The following DNAAF4 variants were observed in gnomAD, a reference collection of about 807,000 sequenced individuals.
The protein encoded by DNAAF4 is dynein assembly factor 4, axonemal.
Under a neutral mutation model 51.8 loss-of-function variants are expected in DNAAF4, and 43 were observed. The ratio of observed to expected loss-of-function variants is 0.83; its 90% CI spans 0.65 to 1.07. DNAAF4 has a LOEUF of 1.07. Ranked by LOEUF, DNAAF4 falls within the 50% of genes least tolerant of loss-of-function variation. The probability of loss-of-function intolerance (pLI) is 0.00; values close to 1 mark genes in which losing one functional copy is unlikely to be tolerated. For missense variants in DNAAF4, 581 were observed against 493.0 expected, an observed-to-expected ratio of 1.18 and a Z score of -1.69; for synonymous variants, 194 against 165.6, an observed-to-expected ratio of 1.17 and a Z score of -1.32.
intron 3 of DNAAF4, among the ~76,000 whole-genome samples, chr15:55,496,130 T>C (rs1471632146): frequency 6.6e-6 from 1 of 152,118 alleles, no homozygotes; most frequent in Non-Finnish European, 1.5e-5. Flanking sequence ...CTTGGGAGGC[T>C]GAGGCTGAAG....
intron 7 of DNAAF4, among the ~76,000 whole-genome samples, chr15:55,437,939 G>A (rs780367774): frequency 2.0e-5 from 3 of 152,148 alleles, no homozygotes; most frequent in Non-Finnish European, 2.9e-5. Context: ...GTTTGTTATA[G>A]AAGTAATAAG....
chr15:55,450,168 T>C (rs1567011669), intron 6 of DNAAF4, 54 bp downstream of exon 6: 8 of 1,512,978 alleles, frequency 5.3e-6, no homozygotes, highest in Non-Finnish European at 6.2e-6. Flanking sequence ...ATAGATGAAA[T>C]AAAAATAAAG....
In DNAAF4 at chr15:55,470,847, A is replaced by ATTTTT. The variant is rs1169756178; in HGVS notation, c.406-3691_406-3687dup. On this transcript the variant is annotated intron_variant, in intron 4 of 9. Coordinates refer to ENST00000321149, the MANE Select transcript of DNAAF4 (RefSeq NM_130810.4). Reference sequence around the variant, plus strand: ...AGACATGAGCTACTATGCCTGGCGGATTTTTTTTTTTTTTTTTTTTTTGAG... The same window carrying ATTTTT: ...AGACATGAGCTACTATGCCTGGCGGATTTTTTTTTTTTTTTTTTTTTTTTTTTGAG... Among the ~76,000 whole-genome samples, 7 of 99,036 alleles carry ATTTTT rather than the reference A, an allele frequency of 7.1e-5. 1 individual carries two copies. The highest frequency in any genetic ancestry group is 1.3e-4 in the Admixed American group (1 of 7,492). 65.0% of individuals were successfully genotyped at this position (99,036 alleles called of 152,430 possible).
At chr15:55,496,244 A>G (rs2058639910) in intron 3 of DNAAF4, among the ~76,000 whole-genome samples, 1 of 152,082 alleles carries the variant, frequency 6.6e-6, no homozygotes, top group East Asian at 1.9e-4. Context: ...AAACAAACAA[A>G]CAACAACTGG....
chr15:55,498,944 GA>G (rs112482096), intron 1 of DNAAF4, among the ~76,000 whole-genome samples: 6 of 135,476 alleles, frequency 4.4e-5, no homozygotes, highest in African/African-American at 1.3e-4. Flanking sequence ...AAGAAAGAAA[GA>G]AAAAAAAAAG....
At chr15:55,459,172 G>A (rs569858885) in intron 5 of DNAAF4, among the ~76,000 whole-genome samples, 8 of 151,896 alleles carry the variant, frequency 5.3e-5, no homozygotes, top group African/African-American at 1.9e-4. Flanking sequence ...CAGAAGCCCT[G>A]CAAGCCAGAA....
In DNAAF4 at chr15:55,434,028, A is replaced by T. The variant is rs577256588; in HGVS notation, c.1047+877T>A. 5.3e-4 allele frequency among the ~76,000 whole-genome samples: 23 copies of T among 43,510 alleles called. No homozygotes were observed. The South Asian group carries it at 0.018, about 33-fold the overall frequency. 28.5% of individuals were successfully genotyped at this position (43,510 alleles called of 152,430 possible). ...ATATATTATATATATTCTTATATAT[A>T]ATATATATTATATATATATATAAAA... is the stretch of plus-strand genomic sequence containing the variant. On this transcript the variant is annotated intron_variant, in intron 8 of 9. Coordinates refer to ENST00000321149, the MANE Select transcript of DNAAF4 (RefSeq NM_130810.4).
rs1439615287 is a variant in DNAAF4 at position 55,458,223 on chromosome 15, T to C, written c.638-7856A>G. ...ATTGCCAGATAAATAATTCAGAAGG[T>C]TGATTATTAAGCTCCTCAAGAAGGC... is the stretch of plus-strand genomic sequence containing the variant. On this transcript the variant is annotated intron_variant, in intron 5 of 9. Transcript: ENST00000321149. Among the ~76,000 whole-genome samples, 7 of 150,968 alleles carry C rather than the reference T, an allele frequency of 4.6e-5. No homozygotes were observed. In the East Asian group the frequency reaches 1.4e-3, roughly 29 times the overall value.
chr15:55,501,785 G>A (rs538298144), intron 1 of DNAAF4, among the ~76,000 whole-genome samples: 7 of 150,220 alleles, frequency 4.7e-5, no homozygotes, highest in Admixed American at 6.6e-5. Flanking sequence ...GCTCACGCCT[G>A]TAATCCCAGC....
At chr15:55,477,893 CTG>C (rs1313732574) in intron 4 of DNAAF4, among the ~76,000 whole-genome samples, 2 of 141,252 alleles carry the variant, frequency 1.4e-5, no homozygotes, top group Non-Finnish European at 3.0e-5. Flanking sequence ...TGGTGAAAAC[CTG>C]TCTCTACTGA....
At chr15:55,418,044 C>T (rs755450185) in exon 8 of DNAAF4, 8 of 1,265,446 alleles carry the variant, frequency 6.3e-6, no homozygotes, top group Middle Eastern at 3.8e-4. Flanking sequence ...TTCAGGCCAT[C>T]TGGATGTATA....
chr15:55,488,948 G>A (rs909571678), intron 4 of DNAAF4, among the ~76,000 whole-genome samples: 6 of 152,044 alleles, frequency 3.9e-5, no homozygotes, highest in Non-Finnish European at 7.4e-5. Flanking sequence ...AATTAGCCAG[G>A]CGTAGTGGCA....
Position 55,443,157 on chromosome 15 carries a change from C to G in DNAAF4, c.784-3576G>C, listed in dbSNP as rs558932636. The G allele has an allele frequency of 5.0e-6, 8 of 1,610,688 alleles. No homozygotes were observed. The Admixed American group carries it at 1.3e-4, about 27-fold the overall frequency. ...GTTTCCAGGAGCCGTCTTCACATTTCTTCATAAACTGGTCAAAGAGCAGTC... is the reference window on the plus strand; with the variant it reads ...GTTTCCAGGAGCCGTCTTCACATTTGTTCATAAACTGGTCAAAGAGCAGTC... On this transcript the variant is annotated intron_variant, in intron 6 of 9. Transcript: ENST00000321149.
At chr15:55,432,637 A>G in intron 8 of DNAAF4, 35 bp from the exon 9 acceptor site, 1 of 1,544,860 alleles carries the variant, frequency 6.5e-7, no homozygotes, top group East Asian at 2.4e-5. Context: ...CAAGAAAGTT[A>G]TAGTTTCTTA....
chr15:55,505,188 C>T (rs1232290085), intron 1 of DNAAF4, among the ~76,000 whole-genome samples: 1 of 152,120 alleles, frequency 6.6e-6, no homozygotes, highest in Non-Finnish European at 1.5e-5. Context: ...CACTGGTCAT[C>T]AAAGAAATGC....
chr15:55,466,423 CA>C (rs535500921), intron 5 of DNAAF4, among the ~76,000 whole-genome samples: 146 of 145,016 alleles, frequency 1.0e-3, no homozygotes, highest in Middle Eastern at 3.5e-3. Context: ...GACCTTGTCT[CA>C]AAAAAAAAAA....
At chr15:55,469,052 C>T (rs1302577360) in intron 4 of DNAAF4, among the ~76,000 whole-genome samples, 8 of 151,882 alleles carry the variant, frequency 5.3e-5, no homozygotes, top group South Asian at 2.1e-4. Flanking sequence ...GTACAGTGAC[C>T]GGGCGCGGTG....
intron 8 of DNAAF4, among the ~76,000 whole-genome samples, chr15:55,433,955 A>ATATATTATAATAT (rs2057558211): frequency 5.1e-5 from 2 of 39,598 alleles, no homozygotes; most frequent in East Asian, 1.5e-3. Context: ...AATATATATA[A>ATATATTATAATAT]TATATATAAT....
intron 4 of DNAAF4, among the ~76,000 whole-genome samples, chr15:55,476,813 G>A (rs2058340763): frequency 6.6e-6 from 1 of 152,166 alleles, no homozygotes; most frequent in Non-Finnish European, 1.5e-5. Context: ...GTCAAGGGCT[G>A]GGAGGATAGA....
Sources: gnomAD v4.1 joint callset for allele counts (sites outside exome capture counted in the v4.1 genomes callset) on GRCh38, gnomAD v4.1.1 for gene constraint, MANE v1.5 for transcripts, NCBI Gene and HGNC (gene_info 2026-07-23, HGNC 2026-07-21) for gene names.